The following SMC5 variants were observed in gnomAD, a reference collection of about 807,000 sequenced individuals.
SMC5 encodes structural maintenance of chromosomes 5.
SMC5 carries 88 observed loss-of-function variants against 148.3 expected under a neutral mutation model. The observed-to-expected ratio is 0.59, with a 90% confidence interval of 0.50 to 0.71. SMC5 has a LOEUF of 0.71. Ranked by LOEUF, SMC5 falls within the 30% of genes least tolerant of loss-of-function variation. SMC5 has a pLI of 0.00. For synonymous variants in SMC5, 421 were observed against 432.8 expected (o/e 0.97, Z 0.34); for missense variants, 1,142 against 1,298.9 (o/e 0.88, Z 1.86).
chr9:70,273,990 C>T (rs1455305289), intron 3 of SMC5, among the ~76,000 whole-genome samples: 1 of 152,220 alleles, frequency 6.6e-6, no homozygotes, highest in Non-Finnish European at 1.5e-5. Flanking sequence ...TAATTACTGA[C>T]AAAGGTGTAT....
At chr9:70,288,290 A>T (rs756246495) in intron 8 of SMC5, among the ~76,000 whole-genome samples, 12 of 152,158 alleles carry the variant, frequency 7.9e-5, no homozygotes, top group Admixed American at 5.9e-4. Context: ...TTTCAGGCTT[A>T]TGCAGACCTG....
At chr9:70,262,621 A>G (rs960306283) in intron 1 of SMC5, among the ~76,000 whole-genome samples, 157 of 152,350 alleles carry the variant, frequency 1.0e-3, no homozygotes, top group African/African-American at 3.6e-3. Flanking sequence ...TAAGTTTAAG[A>G]TGACTGTTAT....
chr9:70,275,744 G>C (rs1165989479), intron 3 of SMC5, among the ~76,000 whole-genome samples: 1 of 152,036 alleles, frequency 6.6e-6, no homozygotes, highest in Non-Finnish European at 1.5e-5. Flanking sequence ...ATATTTAGGT[G>C]TGGATTTATT....
chr9:70,310,120 T>C (rs1250288084), intron 11 of SMC5, among the ~76,000 whole-genome samples: 2 of 152,238 alleles, frequency 1.3e-5, no homozygotes, highest in African/African-American at 4.8e-5. Context: ...AGTGCTGGGA[T>C]TACAGGTGTA....
At chr9:70,303,307 T>C (rs4745001) in intron 10 of SMC5, among the ~76,000 whole-genome samples, 139,757 of 150,962 alleles carry the variant, frequency 0.93, 64,315 homozygotes, top group African/African-American at 0.94. Flanking sequence ...TTATCTATAA[T>C]TATATTTTTT....
At chr9:70,310,748 T>C (rs2035636110) in intron 11 of SMC5, 1 of 152,218 alleles carries the variant, frequency 6.6e-6, no homozygotes, top group Non-Finnish European at 1.5e-5. Context: ...ATCTGTCATT[T>C]AGTGTAGCCA....
rs866240985 is a variant in SMC5, at chr9:70,268,059, A to G, written c.380+84A>G. The G allele has an allele frequency of 1.3e-5, 13 of 1,034,058 alleles. No individual in the cohort carries two copies. In the Middle Eastern group the frequency reaches 1.3e-3, roughly 102 times the overall value. 64.1% of individuals were successfully genotyped at this position (1,034,058 alleles called of 1,614,324 possible). A position where few individuals can be genotyped will look rare whatever the true frequency, so the allele number is the denominator to read the frequency against. The stretch of plus-strand genomic sequence containing the variant: ...GTTTTCCTGATGATTAGAAAAGAGT[A>G]TTAATATAGTATTATGGCATAAATA... On this transcript the variant is annotated intron_variant, in intron 3 of 24. Coordinates refer to ENST00000361138, the MANE Select transcript of SMC5 (RefSeq NM_015110.4).
intron 15 of SMC5, among the ~76,000 whole-genome samples, chr9:70,322,226 T>G (rs1178306623): frequency 1.3e-5 from 2 of 152,238 alleles, no homozygotes; most frequent in Non-Finnish European, 2.9e-5. Context: ...CTTTAAACCT[T>G]TCTTTAAACT....
chr9:70,339,603 A>T (rs2036463329), intron 17 of SMC5, among the ~76,000 whole-genome samples: 1 of 152,218 alleles, frequency 6.6e-6, no homozygotes, highest in African/African-American at 2.4e-5. Flanking sequence ...CACTTGAACC[A>T]AAGAGAAATT....
At chr9:70,278,700 T>C (rs2034665144) in intron 5 of SMC5, 75 bp downstream of exon 5, 1 of 1,401,818 alleles carries the variant, frequency 7.1e-7, no homozygotes, top group Non-Finnish European at 9.6e-7. Context: ...GAGAGAGTAG[T>C]AGTATTGATT....
chr9:70,327,769 C>G (rs2036118112), intron 17 of SMC5, among the ~76,000 whole-genome samples: 1 of 152,106 alleles, frequency 6.6e-6, no homozygotes, highest in Admixed American at 6.5e-5. Flanking sequence ...TACATGTACC[C>G]TAATGAAAGG....
chr9:70,352,124 A>G lies in SMC5; in HGVS notation c.3166-67A>G, dbSNP rs2036819587. ...TAAAATAATACATTTGACTGTACAC[A>G]TGTAAGGTTGGAAAACTATACTTCT... On this transcript the variant is annotated intron_variant, in intron 24 of 24. Transcript: ENST00000361138. 3.6e-6 allele frequency: 5 copies of G among 1,371,430 alleles called. No homozygotes were observed. The East Asian group carries it at 9.3e-5, about 25-fold the overall frequency. The allele number at this position is 1,371,430 out of a possible 1,614,324, so 85.0% of individuals were successfully genotyped here.
chr9:70,285,287 C>T (rs1329032203), intron 7 of SMC5, among the ~76,000 whole-genome samples: 1 of 152,060 alleles, frequency 6.6e-6, no homozygotes, highest in Admixed American at 6.6e-5. Context: ...TAGAAGAAAC[C>T]AGGCACAAGC....
Position 70,344,253 on chromosome 9 carries a change from C to G in SMC5, c.2507C>G (p.Pro836Arg). Residue 836 changes from proline to arginine, a missense_variant, in exon 18 of 25, where the codon CCT (proline) becomes CGT (arginine). Pro to Arg is a moderately radical substitution (Grantham distance 103, BLOSUM62 -2). Around this residue, in one of 5 missense-constraint regions of SMC5, gnomAD observed 743 missense variants for 835.7 expected, o/e 0.89. Coordinates refer to ENST00000361138, the MANE Select transcript of SMC5 (RefSeq NM_015110.4). ...VCNLGAEQTL[P>R]QEYQTQVPTI... The stretch of plus-strand genomic sequence containing the variant: ...AACCTGGGTGCAGAGCAGACTCTTC[C>G]TCAAGAATACCAGACAGTAAGTATA... 1 of 1,464,216 alleles carries G rather than the reference C, an allele frequency of 6.8e-7. No homozygotes were observed. Among genetic ancestry groups the G allele is most frequent in the South Asian group, 1.6e-5 (1 of 61,478 alleles). The allele number at this position is 1,464,216 out of a possible 1,614,324, so 90.7% of individuals were successfully genotyped here.
rs59614970 is a variant in SMC5, at chr9:70,283,717, T to C, written c.981+1134T>C. ...GGTGGATCTTAGCCTGGCACTGCTA[T>C]TGGGAAAAAATTGTATGAAACATGA... On this transcript the variant is annotated intron_variant, in intron 7 of 24. Coordinates refer to ENST00000361138, the MANE Select transcript of SMC5 (RefSeq NM_015110.4). Among the ~76,000 whole-genome samples, 447 of 152,226 alleles carry C rather than the reference T, an allele frequency of 2.9e-3. 1 individual carries two copies. Among genetic ancestry groups the C allele is most frequent in the African/African-American group, 0.01 (427 of 41,534 alleles).
In SMC5 at chr9:70,295,799, G is replaced by A. The variant is rs184868770; in HGVS notation, c.1054-2167G>A. 2.0e-4 allele frequency among the ~76,000 whole-genome samples: 30 copies of A among 152,240 alleles called. No homozygotes were observed. In the East Asian group the frequency reaches 5.4e-3, roughly 27 times the overall value. ...TAGGCCAGTGATTTTCAGTAGTTTGGTGGTCCCTGTTTTGCTGGGATTGCA... is the reference window on the plus strand; with the variant it reads ...TAGGCCAGTGATTTTCAGTAGTTTGATGGTCCCTGTTTTGCTGGGATTGCA... On this transcript the variant is annotated intron_variant, in intron 8 of 24. Coordinates refer to ENST00000361138, the MANE Select transcript of SMC5 (RefSeq NM_015110.4).
chr9:70,265,863 T>C (rs1039472780), intron 2 of SMC5, among the ~76,000 whole-genome samples: 4 of 152,166 alleles, frequency 2.6e-5, no homozygotes, highest in Non-Finnish European at 1.5e-5. Flanking sequence ...CTCCAAAATA[T>C]ATAGGCAAAA....
chr9:70,289,342 T>A (rs1358625639), intron 8 of SMC5, among the ~76,000 whole-genome samples: 5 of 152,096 alleles, frequency 3.3e-5, no homozygotes, highest in African/African-American at 1.2e-4. Context: ...CTGGCCTGAT[T>A]TAGTGATTTT....
chr9:70,347,299 C>G, intron 20 of SMC5, 138 bp downstream of exon 20: 1 of 613,488 alleles, frequency 1.6e-6, no homozygotes, highest in South Asian at 2.4e-5. Context: ...ATAAGCTAGA[C>G]AGCAGGAACA....
Sources: allele counts gnomAD v4.1 joint callset (sites outside exome capture counted in the v4.1 genomes callset), GRCh38; gene constraint gnomAD v4.1.1; regional missense constraint gnomAD v4.1.1; transcripts MANE v1.5; gene names NCBI Gene and HGNC (gene_info 2026-07-23, HGNC 2026-07-21).